Variants in CBFA2T2 observed in about 807,000 individuals in gnomAD.
CBFA2T2 encodes the protein CBFA2/RUNX1 partner transcriptional co-repressor 2, also known as protein CBFA2T2.
A neutral mutation model predicts 62.2 loss-of-function variants in CBFA2T2; 11 were observed. The ratio of observed to expected loss-of-function variants is 0.18; its 90% CI spans 0.11 to 0.29. The LOEUF (loss-of-function observed/expected upper bound fraction) is 0.29, where lower values mean the gene tolerates loss of function less well. Ranked by LOEUF, CBFA2T2 falls within the 10% of genes least tolerant of loss-of-function variation. The pLI is 1.00. For missense variants in CBFA2T2, 592 were observed against 774.1 expected, an observed-to-expected ratio of 0.76 and a Z score of 2.79; for synonymous variants, 295 against 287.5, an observed-to-expected ratio of 1.03 and a Z score of -0.27.
At chr20:33,581,108 G>C (rs2014092367) in intron 1 of CBFA2T2, among the ~76,000 whole-genome samples, 1 of 150,918 alleles carries the variant, frequency 6.6e-6, no homozygotes, top group African/African-American at 2.4e-5. Flanking sequence ...CTGTCACCCA[G>C]GCTGGAGTGC....
chr20:33,524,939 A>G (rs776197895), intron 1 of CBFA2T2, among the ~76,000 whole-genome samples: 5 of 152,118 alleles, frequency 3.3e-5, no homozygotes, highest in East Asian at 1.9e-4. Context: ...GGTTCAAGCA[A>G]TTCTCCTGCC....
intron 1 of CBFA2T2, among the ~76,000 whole-genome samples, chr20:33,574,741 G>A (rs960148239): frequency 1.3e-5 from 2 of 152,196 alleles, no homozygotes; most frequent in African/African-American, 4.8e-5. Context: ...TTTCATGGGG[G>A]TATTTTGAGA....
chr20:33,506,045 G>A (rs1005655086), intron 1 of CBFA2T2, among the ~76,000 whole-genome samples: 2 of 152,076 alleles, frequency 1.3e-5, no homozygotes, highest in Middle Eastern at 3.2e-3. Context: ...AGCTGAAATC[G>A]TGCCACTGCA....
At chr20:33,625,102 G>GA in intron 6 of CBFA2T2, 85 bp downstream of exon 6, 94 of 1,359,670 alleles carry the variant, frequency 6.9e-5, no homozygotes, top group Non-Finnish European at 8.4e-5. Context: ...TAATATGATT[G>GA]CTTTTTCCCA....
At chr20:33,622,079 C>A (rs1306339545) in intron 4 of CBFA2T2, among the ~76,000 whole-genome samples, 1 of 152,020 alleles carries the variant, frequency 6.6e-6, no homozygotes, top group East Asian at 1.9e-4. Flanking sequence ...GTGTTTTTTT[C>A]AATTAAGTTT....
chr20:33,624,799 C>T lies in CBFA2T2; in HGVS notation c.728C>T (p.Ala243Val), dbSNP rs374883285. ...EENSFDRDTI[A>V]PEPPAKRVCT... ...AATAGTTTTGATAGAGACACAATTG[C>T]TCCTGAGCCTCCTGCCAAGAGAGTA... The change falls in exon 6 of 11, where the codon GCT (alanine) becomes GTT (valine). Residue 243 changes from alanine (A) to valine (V), a missense_variant. By Grantham distance (64) the Ala-to-Val change is moderately conservative. Around this residue, in one of 3 missense-constraint regions of CBFA2T2, gnomAD observed 449 missense variants for 551.2 expected, o/e 0.81. Transcript: ENST00000342704. 9.9e-6 allele frequency: 16 copies of T among 1,614,062 alleles called. No individual in the cohort carries two copies. Among genetic ancestry groups the T allele is most frequent in the Non-Finnish European group, 1.2e-5 (14 of 1,180,008 alleles).
In CBFA2T2 at chr20:33,558,073, C is replaced by T. The variant is rs181851516; in HGVS notation, c.35-48883C>T. ...TGAGTTCTTGACCTCGTGATCCACT[C>T]GTCTCGGCCTTCCAAAGTGCTGGGA... On this transcript the variant is annotated intron_variant, in intron 1 of 10. Coordinates refer to ENST00000342704, the MANE Select transcript of CBFA2T2 (RefSeq NM_001032999.3). 3.7e-3 allele frequency among the ~76,000 whole-genome samples: 557 copies of T among 150,884 alleles called. 4 individuals are homozygous for T. Among genetic ancestry groups the T allele is most frequent in the African/African-American group, 0.013 (532 of 41,064 alleles).
intron 1 of CBFA2T2, among the ~76,000 whole-genome samples, chr20:33,578,219 C>G (rs1318754604): frequency 1.3e-5 from 2 of 151,920 alleles, no homozygotes. Context: ...AAAATTTTTC[C>G]ACCTCTAAAA....
At chr20:33,567,739 C>G (rs1297357579) in intron 1 of CBFA2T2, among the ~76,000 whole-genome samples, 1 of 152,012 alleles carries the variant, frequency 6.6e-6, no homozygotes, top group African/African-American at 2.4e-5. Flanking sequence ...TGTGCCACCA[C>G]GCCCAGTTAA....
chr20:33,640,315 T>A (rs1466211563), intron 9 of CBFA2T2, 26 bp from the exon 10 acceptor site: 1 of 1,601,038 alleles, frequency 6.2e-7, no homozygotes, highest in Non-Finnish European at 8.5e-7. Flanking sequence ...TCTCGGCCAG[T>A]TGATTTTACT....
At chr20:33,494,828 C>A (rs1352398856) in intron 1 of CBFA2T2, among the ~76,000 whole-genome samples, 1 of 148,158 alleles carries the variant, frequency 6.7e-6, no homozygotes, top group Non-Finnish European at 1.5e-5. Context: ...AAACTCCTGA[C>A]CTCAGGTGAT....
rs2016988002 is a variant in CBFA2T2, at chr20:33,644,639, G to A, written c.1781G>A (p.Gly594Glu). The A allele has an allele frequency of 6.2e-7, 1 of 1,602,298 alleles. No homozygotes were observed. Among genetic ancestry groups the A allele is most frequent in the Non-Finnish European group, 8.5e-7 (1 of 1,171,300 alleles). The part of the protein sequence containing the change: ...PASVTAIDTN[G>E]L ...TCTGTGACAGCTATCGACACCAACG[G>A]ACTCTGAGCCCCGGACTCTGCTTAC... is the stretch of plus-strand genomic sequence containing the variant. The change falls in exon 11 of 11, where the codon GGA becomes GAA. Residue 594 changes from glycine to glutamate, a missense_variant. This residue lies in a region of CBFA2T2 where 85 missense variants were observed against 99.0 expected (regional missense o/e 0.86). Coordinates refer to ENST00000342704, the MANE Select transcript of CBFA2T2 (RefSeq NM_001032999.3).
intron 1 of CBFA2T2, chr20:33,562,482 G>GTGA: frequency 1.0e-6 from 1 of 985,920 alleles, no homozygotes; most frequent in Non-Finnish European, 1.2e-6. Flanking sequence ...GAATGGGACA[G>GTGA]GCAGCTCTAG....
At chr20:33,623,960 A>T in intron 5 of CBFA2T2, 1 of 602,320 alleles carries the variant, frequency 1.7e-6, no homozygotes. Context: ...ATTGGAAAAA[A>T]AAAAAAAAGA....
At chr20:33,494,243 G>GCA (rs2011171798) in intron 1 of CBFA2T2, among the ~76,000 whole-genome samples, 1 of 30,308 alleles carries the variant, frequency 3.3e-5, no homozygotes, top group African/African-American at 1.1e-4. Flanking sequence ...ATATATATGT[G>GCA]TATATATATA....
chr20:33,554,257 T>G (rs1398511891), intron 1 of CBFA2T2, among the ~76,000 whole-genome samples: 2 of 146,768 alleles, frequency 1.4e-5, no homozygotes, highest in African/African-American at 2.5e-5. Flanking sequence ...ACTTTTTTCT[T>G]TTTTTTTTTT....
chr20:33,496,923 A>T (rs1321219428), intron 1 of CBFA2T2, among the ~76,000 whole-genome samples: 1 of 152,038 alleles, frequency 6.6e-6, no homozygotes, highest in African/African-American at 2.4e-5. Context: ...CTCCCGTCTC[A>T]TGGGTTGTGC....
Position 33,589,254 on chromosome 20 carries a change from G to A in CBFA2T2, c.35-17702G>A, listed in dbSNP as rs116991635. Among the ~76,000 whole-genome samples, 19 of 152,326 alleles carry A rather than the reference G, an allele frequency of 1.2e-4. No homozygotes were observed. In the East Asian group the frequency reaches 3.5e-3, roughly 28 times the overall value. ...AAATCAAACACTAGAAGTCCAGCCA[G>A]GCACAGAGAGCAGCCAGTTGCAGAG... On this transcript the variant is annotated intron_variant, in intron 1 of 10. Coordinates refer to ENST00000342704, the MANE Select transcript of CBFA2T2 (RefSeq NM_001032999.3).
chr20:33,611,463 T>A, intron 3 of CBFA2T2, 128 bp downstream of exon 3: 1 of 1,015,796 alleles, frequency 9.8e-7, no homozygotes, highest in Non-Finnish European at 1.4e-6. Flanking sequence ...CAGACTAGAC[T>A]AGTTATTGAA....
Sources: allele counts gnomAD v4.1 joint callset (sites outside exome capture counted in the v4.1 genomes callset), GRCh38; gene constraint gnomAD v4.1.1; regional missense constraint gnomAD v4.1.1; transcripts MANE v1.5; gene names NCBI Gene and HGNC (gene_info 2026-07-23, HGNC 2026-07-21).